CCDC187: variants seen among roughly 807,000 people sequenced by gnomAD.
CCDC187 encodes coiled-coil domain-containing protein 187.
A neutral mutation model predicts 38.0 loss-of-function variants in CCDC187; 32 were observed. The ratio of observed to expected loss-of-function variants is 0.84; its 90% confidence interval spans 0.64 to 1.13. The LOEUF is 1.13. CCDC187 is among the 50% of genes most tolerant of loss of function. The pLI, the probability that CCDC187 is intolerant of heterozygous loss-of-function variation, is 0.00. For synonymous variants in CCDC187, 333 were observed against 347.9 expected (o/e 0.96, Z 0.48); for missense variants, 707 against 786.8 (o/e 0.90, Z 1.21).
chr9:136,268,505 T>A (rs1438576371), intron 14 of CCDC187, among the ~76,000 whole-genome samples: 1 of 152,032 alleles, frequency 6.6e-6, no homozygotes, highest in Non-Finnish European at 1.5e-5. Context: ...AGATCCCAGA[T>A]CCCCAGCTGA....
At chr9:136,260,650 G>A (rs1588651097) in intron 19 of CCDC187, among the ~76,000 whole-genome samples, 1 of 152,184 alleles carries the variant, frequency 6.6e-6, no homozygotes, top group South Asian at 2.1e-4. Flanking sequence ...TGTCTCAGGT[G>A]CCTGCCCGGC....
chr9:136,285,762 G>T, intron 8 of CCDC187, 156 bp from the exon 9 acceptor site: 1 of 397,396 alleles, frequency 2.5e-6, no homozygotes, highest in Non-Finnish European at 4.4e-6. Context: ...GCTGGAGGAA[G>T]GGCAGGGAGG....
chr9:136,281,429 G>C (rs1831038415), intron 10 of CCDC187, 122 bp downstream of exon 10: 2 of 398,364 alleles, frequency 5.0e-6, no homozygotes, highest in Admixed American at 8.8e-5. Context: ...CTCTCCACGT[G>C]GAAAAGGATT....
At chr9:136,270,245 C>G (rs1464545651) in intron 14 of CCDC187, among the ~76,000 whole-genome samples, 1 of 152,160 alleles carries the variant, frequency 6.6e-6, no homozygotes, top group Non-Finnish European at 1.5e-5. Flanking sequence ...GCCCGGGGGA[C>G]CACTACCATC....
In CCDC187 at chr9:136,303,818, C is replaced by G. The variant is rs1831750372; in HGVS notation, c.13G>C (p.Val5Leu). 6.6e-6 allele frequency: 1 copy of G among 152,362 alleles called. No individual in the cohort carries two copies. The highest frequency in any genetic ancestry group is 6.5e-5 in the Admixed American group (1 of 15,292). 9.4% of individuals were successfully genotyped at this position (152,362 alleles called of 1,614,324 possible). A position where few individuals can be genotyped will look rare whatever the true frequency, so the allele number is the denominator to read the frequency against. The change falls in exon 1 of 26, where the codon GTC becomes CTC. Residue 5 changes from valine (V) to leucine (L), a missense_variant. By Grantham distance (32) the Val-to-Leu change is conservative. Coordinates refer to ENST00000638797, the MANE Select transcript of CCDC187 (RefSeq NM_001378188.1). The part of the protein sequence containing the change: MPTL[V>L]VGTPPTCLGD... Reference sequence around the variant, plus strand: ...AGGCAGGTGGGCGGCGTGCCCACGACCAGGGTCGGCATGGCCGCGGGGCTG... The same window carrying G: ...AGGCAGGTGGGCGGCGTGCCCACGAGCAGGGTCGGCATGGCCGCGGGGCTG...
At position 136,286,699 on chromosome 9, in the gene CCDC187, C is replaced by G; in HGVS notation, c.2223-4G>C. On this transcript the variant is annotated splice_region_variant and splice_polypyrimidine_tract_variant and intron_variant, in intron 7 of 25. Transcript: ENST00000638797. ...TCTGTTCAAACACAGGCAGAAGCTG[C>G]AGGAAGAGAGACGTGGACAGATCAG... 2 of 398,740 alleles carry G rather than the reference C, an allele frequency of 5.0e-6. No individual in the cohort carries two copies. Among genetic ancestry groups the G allele is most frequent in the Non-Finnish European group, 8.8e-6 (2 of 226,158 alleles). 24.7% of individuals were successfully genotyped at this position (398,740 alleles called of 1,614,324 possible).
chr9:136,292,095 T>G, intron 5 of CCDC187, 66 bp downstream of exon 5: 1 of 398,462 alleles, frequency 2.5e-6, no homozygotes, highest in Non-Finnish European at 4.4e-6. Context: ...GGGTGTCTCC[T>G]TCTCTGTGCC....
At chr9:136,301,641 C>T (rs1831686348) in intron 2 of CCDC187, among the ~76,000 whole-genome samples, 1 of 140,362 alleles carries the variant, frequency 7.1e-6, no homozygotes, top group South Asian at 2.2e-4. Flanking sequence ...GGCTGGAGTG[C>T]AGTGGCGCAA....
chr9:136,295,055 A>G (rs1276798337), intron 4 of CCDC187, among the ~76,000 whole-genome samples: 2 of 152,232 alleles, frequency 1.3e-5, no homozygotes, highest in African/African-American at 4.8e-5. Context: ...AAGGGCAGTC[A>G]CGATCATTGC....
intron 4 of CCDC187, among the ~76,000 whole-genome samples, chr9:136,293,837 C>T (rs1304812515): frequency 1.7e-5 from 2 of 117,374 alleles, no homozygotes; most frequent in Admixed American, 1.8e-4. Context: ...CACTACCACA[C>T]ACTCGTTCTC....
At chr9:136,301,901 T>A (rs997905907) in intron 2 of CCDC187, among the ~76,000 whole-genome samples, 14 of 152,132 alleles carry the variant, frequency 9.2e-5, no homozygotes, top group Non-Finnish European at 2.1e-4. Context: ...ATATTTTTTT[T>A]AATCAGAAGT....
intron 10 of CCDC187, among the ~76,000 whole-genome samples, chr9:136,280,343 G>C (rs1831014132): frequency 6.6e-6 from 1 of 152,204 alleles, no homozygotes; most frequent in Non-Finnish European, 1.5e-5. Flanking sequence ...TGGAAGGAAG[G>C]GGCAGGTGCA....
At position 136,257,047 on chromosome 9, in the gene CCDC187, G is replaced by A. The variant is rs2131113391; in HGVS notation, c.4367-206C>T. Among the ~76,000 whole-genome samples, 1 of 152,346 alleles carries A rather than the reference G, an allele frequency of 6.6e-6. No individual in the cohort carries two copies. Among genetic ancestry groups the A allele is most frequent in the East Asian group, 1.9e-4 (1 of 5,180 alleles). ...TGTCATTGGACAGTTAGTGATCAAA[G>A]TCCCAGCCAAAAGTTTAGAGAAAAT... On this transcript the variant is annotated intron_variant, in intron 22 of 25. Transcript: ENST00000638797. This position sits in a 1 kb window ranked among gnomAD's most constrained non-coding sequence, Gnocchi z 4.5.
intron 3 of CCDC187, among the ~76,000 whole-genome samples, chr9:136,299,763 C>G (rs1025896323): frequency 6.6e-6 from 1 of 152,184 alleles, no homozygotes; most frequent in African/African-American, 2.4e-5. Context: ...CCTGGGAGCC[C>G]GCCAACGGTT....
chr9:136,269,650 G>GA (rs1391546847), intron 14 of CCDC187, among the ~76,000 whole-genome samples: 34 of 151,606 alleles, frequency 2.2e-4, no homozygotes, highest in Non-Finnish European at 4.1e-4. Context: ...GTCTCAAAAG[G>GA]AAAAATTAAA....
At chr9:136,303,602 T>G in intron 1 of CCDC187, 86 bp downstream of exon 1, 2 of 155,110 alleles carry the variant, frequency 1.3e-5, no homozygotes, top group Non-Finnish European at 2.9e-5. Context: ...CACGCCCTTG[T>G]ACCTCCCACA....
chr9:136,262,367 G>T lies in CCDC187; in HGVS notation c.4008C>A (p.Pro1336=). 21 of 986,848 alleles carry T rather than the reference G, an allele frequency of 2.1e-5. No homozygotes were observed. The highest frequency in any genetic ancestry group is 2.5e-5 in the Non-Finnish European group (21 of 831,048). 61.1% of individuals were successfully genotyped at this position (986,848 alleles called of 1,614,324 possible). The change falls in exon 19 of 26, where the codon CCC becomes CCA. Residue 1336 remains proline, a synonymous_variant. Transcript: ENST00000638797. ...GGGGGCGATGGCTGGTGGAGCTGCT[G>T]GGCCTGCATGGGGTCAGGGGACACA... ...ASLCPLTPCR[P]SSSTSHRPQS... is the part of the protein sequence containing the mutation.
chr9:136,298,344 T>C (rs901050046), intron 3 of CCDC187, among the ~76,000 whole-genome samples: 3,945 of 151,898 alleles, frequency 0.026, 147 homozygotes, highest in East Asian at 0.14. Context: ...CTTGGCACCA[T>C]GGAGTGGACC....
intron 1 of CCDC187, 59 bp from the exon 2 acceptor site, chr9:136,303,352 G>A (rs1831736923): frequency 2.5e-6 from 1 of 394,588 alleles, no homozygotes; most frequent in Non-Finnish European, 4.5e-6. Context: ...GCCGAGCAGA[G>A]CCGCTCAGAC....
Sources: allele counts gnomAD v4.1 joint callset (sites outside exome capture counted in the v4.1 genomes callset), GRCh38; gene constraint gnomAD v4.1.1; non-coding constraint Gnocchi (gnomAD v3.1); transcripts MANE v1.5; gene names NCBI Gene and HGNC (gene_info 2026-07-23, HGNC 2026-07-21).